The following CELF2 variants were observed in gnomAD, a reference collection of about 807,000 sequenced individuals.
The protein encoded by CELF2 is CUG triplet repeat RNA-binding protein 2.
CELF2 carries 8 observed loss-of-function variants against 62.6 expected under a neutral mutation model. That is an observed-to-expected ratio of 0.13 (90% CI 0.07 to 0.23). The LOEUF is 0.23. CELF2 is among the 10% of genes least tolerant of loss of function. The pLI, the probability that CELF2 is intolerant of heterozygous loss-of-function variation, is 1.00. For missense variants in CELF2, 333 were observed against 671.0 expected, an observed-to-expected ratio of 0.50 and a Z score of 5.56; for synonymous variants, 258 against 250.0, an observed-to-expected ratio of 1.03 and a Z score of -0.30.
rs2054754810 is a variant in CELF2 at position 11,110,189 on chromosome 10, A to C, written c.75-55297A>C. ...GAGCAGCTGCTGAGGCAGGAGGATC[A>C]CTTGAGCCTGAGAGGTCAAGGCTGC... is the stretch of plus-strand genomic sequence containing the variant. On this transcript the variant is annotated intron_variant, in intron 1 of 12. Transcript: ENST00000633077. The surrounding 1 kb of genome is among the most constrained non-coding windows in gnomAD (Gnocchi z 4.0). Among the ~76,000 whole-genome samples, 1 of 152,106 alleles carries C rather than the reference A, an allele frequency of 6.6e-6. No homozygotes were observed. The highest frequency in any genetic ancestry group is 6.5e-5 in the Admixed American group (1 of 15,272).
chr10:10,889,441 T>C (rs1416274243), intron 1 of CELF2, among the ~76,000 whole-genome samples: 13 of 152,206 alleles, frequency 8.5e-5, no homozygotes, highest in Admixed American at 8.5e-4. Context: ...AGAAATTTTT[T>C]TGCTGTCCCT....
the CELF2 span, among the ~76,000 whole-genome samples, chr10:10,638,373 T>C: frequency 8.4e-5 from 10 of 118,946 alleles, no homozygotes; most frequent in South Asian, 4.4e-4. Flanking sequence ...ATCCATCCAT[T>C]CATTCATTCA....
rs202095848 is a variant in CELF2 at position 11,321,367 on chromosome 10, T to C, written c.1275T>C (p.Ala425=). 2 of 1,607,092 alleles carry C rather than the reference T, an allele frequency of 1.2e-6. No individual in the cohort carries two copies. The highest frequency in any genetic ancestry group is 1.7e-5 in the Admixed American group (1 of 60,016). Residue 425 remains alanine, a synonymous_variant, in exon 11 of 13, where the codon GCT becomes GCC. Coordinates refer to ENST00000633077, the MANE Select transcript of CELF2 (RefSeq NM_001326342.2). The surrounding 1 kb of genome is among the most constrained non-coding windows in gnomAD (Gnocchi z 6.2). ...AGAGCCTGCTGCAGCAGCAGAGCGC[T>C]GCAGGCAGCCAGAAGGAAGGTAGGT... ...YSQSLLQQQS[A]AGSQKEGPEG...
chr10:11,318,765 C>T lies in CELF2; in HGVS notation c.1097-2424C>T, dbSNP rs1204817162. 2 of 468,754 alleles carry T rather than the reference C, an allele frequency of 4.3e-6. No individual in the cohort carries two copies. The highest frequency in any genetic ancestry group is 8.8e-6 in the Non-Finnish European group (2 of 226,162). The allele number at this position is 468,754 out of a possible 1,614,324, so 29.0% of individuals were successfully genotyped here. On this transcript the variant is annotated intron_variant, in intron 10 of 12. Coordinates refer to ENST00000633077, the MANE Select transcript of CELF2 (RefSeq NM_001326342.2). The surrounding 1 kb of genome is among the most constrained non-coding windows in gnomAD (Gnocchi z 5.4). Reference sequence around the variant, plus strand: ...TTTTCTGACCTGGAAATTAAAAAAACAGCTGTGTACAGAGAAGGGAGTTGG... The same window carrying T: ...TTTTCTGACCTGGAAATTAAAAAAATAGCTGTGTACAGAGAAGGGAGTTGG...
chr10:11,278,871 A>G (rs2087161108), intron 8 of CELF2, among the ~76,000 whole-genome samples: 1 of 152,232 alleles, frequency 6.6e-6, no homozygotes, highest in Non-Finnish European at 1.5e-5. Flanking sequence ...ACTGAGGCTT[A>G]GAGAGATGAG....
chr10:10,570,051 G>A, the CELF2 span, among the ~76,000 whole-genome samples: 1 of 152,166 alleles, frequency 6.6e-6, no homozygotes, highest in Non-Finnish European at 1.5e-5. Context: ...AGAAGAAAAG[G>A]TAGTTGAGAA....
chr10:10,554,985 G>A, the CELF2 span, among the ~76,000 whole-genome samples: 1 of 152,182 alleles, frequency 6.6e-6, no homozygotes, highest in African/African-American at 2.4e-5. Context: ...AGAAGGGCAT[G>A]ATGCTGTGGG....
the CELF2 span, among the ~76,000 whole-genome samples, chr10:10,657,337 CTG>C: frequency 1.4e-3 from 208 of 152,180 alleles, 1 homozygote; most frequent in Non-Finnish European, 2.6e-3. Flanking sequence ...TAAAATTAGA[CTG>C]TGGTGATGGT....
chr10:10,577,847 T>C, the CELF2 span, among the ~76,000 whole-genome samples: 1 of 152,164 alleles, frequency 6.6e-6, no homozygotes, highest in Non-Finnish European at 1.5e-5. Flanking sequence ...TATAGCAGCA[T>C]GATTTATAGT....
rs1159962846 is a variant in CELF2 at position 11,300,304 on chromosome 10, C to T, written c.976+11752C>T. 6.6e-6 allele frequency among the ~76,000 whole-genome samples: 1 copy of T among 152,176 alleles called. No individual in the cohort carries two copies. Among genetic ancestry groups the T allele is most frequent in the Non-Finnish European group, 1.5e-5 (1 of 68,032 alleles). ...GCAGTCGTTCTGAGTCCAGACCCGG[C>T]CCTCTAGACTGAATTTTCCTCTTCC... On this transcript the variant is annotated intron_variant, in intron 9 of 12. Transcript: ENST00000633077. The surrounding 1 kb of genome is among the most constrained non-coding windows in gnomAD (Gnocchi z 5.5).
At chr10:10,615,793 C>A in the CELF2 span, among the ~76,000 whole-genome samples, 1 of 152,108 alleles carries the variant, frequency 6.6e-6, no homozygotes. Context: ...TCCCCAGAAG[C>A]CTGTACAGCC....
At chr10:10,977,813 G>A (rs1564298792) in intron 2 of CELF2, among the ~76,000 whole-genome samples, 1 of 152,184 alleles carries the variant, frequency 6.6e-6, no homozygotes, top group Non-Finnish European at 1.5e-5. Flanking sequence ...ACAGCTGTGT[G>A]GTTCTGAGCA....
intron 2 of CELF2, among the ~76,000 whole-genome samples, chr10:10,956,755 C>G (rs955102485): frequency 2.6e-5 from 4 of 151,894 alleles, no homozygotes; most frequent in Admixed American, 2.6e-4. Context: ...AGCAAGATCT[C>G]TGTCTCTACA....
intron 2 of CELF2, among the ~76,000 whole-genome samples, chr10:11,180,938 C>T (rs577857666): frequency 3.9e-4 from 60 of 152,286 alleles, no homozygotes; most frequent in African/African-American, 1.4e-3. Flanking sequence ...GACGCGATCT[C>T]GGCTCACTGC....
intron 1 of CELF2, among the ~76,000 whole-genome samples, chr10:10,842,293 A>T (rs970413560): frequency 6.6e-6 from 1 of 151,742 alleles, no homozygotes; most frequent in African/African-American, 2.4e-5. Flanking sequence ...TTTTTCTTGT[A>T]TTTTTTTCTA....
intron 2 of CELF2, chr10:10,946,664 G>T (rs1187890333): frequency 6.6e-6 from 1 of 152,320 alleles, no homozygotes; most frequent in Non-Finnish European, 1.5e-5. Flanking sequence ...TGACTCCCAG[G>T]CACTATTCTA....
At chr10:10,942,166 G>A (rs532383351) in intron 2 of CELF2, among the ~76,000 whole-genome samples, 27 of 152,212 alleles carry the variant, frequency 1.8e-4, no homozygotes, top group African/African-American at 5.8e-4. Flanking sequence ...TCATGCAAAA[G>A]GGTTAGCTTA....
At chr10:10,488,064 C>G in the CELF2 span, among the ~76,000 whole-genome samples, 1 of 151,904 alleles carries the variant, frequency 6.6e-6, no homozygotes, top group Non-Finnish European at 1.5e-5. Context: ...ACAAAAGTCC[C>G]CAAAGTGAAA....
rs1313869348 is a variant in CELF2, at chr10:11,267,667, G to C, written c.618+990G>C. Among the ~76,000 whole-genome samples the C allele has an allele frequency of 6.6e-6, 1 of 152,042 alleles. No individual in the cohort carries two copies. The highest frequency in any genetic ancestry group is 1.5e-5 in the Non-Finnish European group (1 of 68,006). On this transcript the variant is annotated intron_variant, in intron 6 of 12. Coordinates refer to ENST00000633077, the MANE Select transcript of CELF2 (RefSeq NM_001326342.2). This position sits in a 1 kb window ranked among gnomAD's most constrained non-coding sequence, Gnocchi z 4.4. ...CTTCTGTTTTCCCCCCATTTTGTTG[G>C]GGTTTTATTTTTTTGTTTGTTTGTT...
Sources: gnomAD v4.1 joint callset for allele counts (sites outside exome capture counted in the v4.1 genomes callset) on GRCh38, gnomAD v4.1.1 for gene constraint, Gnocchi (gnomAD v3.1) non-coding constraint, MANE v1.5 for transcripts, NCBI Gene and HGNC (gene_info 2026-07-23, HGNC 2026-07-21) for gene names.